SNX19: variants seen among roughly 807,000 people sequenced by gnomAD.
SNX19 encodes the protein sorting nexin 19.
A neutral mutation model predicts 85.2 loss-of-function variants in SNX19; 60 were observed. The ratio of observed to expected loss-of-function variants is 0.70; its 90% CI spans 0.57 to 0.87. SNX19 has a LOEUF of 0.87. Ranked by LOEUF, SNX19 falls within the 40% of genes least tolerant of loss-of-function variation. The probability of loss-of-function intolerance (pLI) is 0.00; values close to 1 mark genes in which losing one functional copy is unlikely to be tolerated. For synonymous variants in SNX19, 520 were observed against 470.0 expected, an observed-to-expected ratio of 1.11 and a Z score of -1.38; for missense variants, 1,201 against 1,217.8, an observed-to-expected ratio of 0.99 and a Z score of 0.21.
At chr11:130,887,475 GA>G (rs1944173664) in intron 8 of SNX19, among the ~76,000 whole-genome samples, 1 of 152,216 alleles carries the variant, frequency 6.6e-6, no homozygotes. Flanking sequence ...TAACGGCATA[GA>G]CAAGGGTTGG....
chr11:130,913,170 T>A (rs1946276655), intron 1 of SNX19, among the ~76,000 whole-genome samples: 1 of 152,146 alleles, frequency 6.6e-6, no homozygotes, highest in African/African-American at 2.4e-5. Context: ...CTGTTTTATG[T>A]CAGTATTGGA....
At chr11:130,913,980 C>T (rs73028902) in intron 1 of SNX19, among the ~76,000 whole-genome samples, 24,142 of 152,156 alleles carry the variant, frequency 0.16, 2,188 homozygotes, top group Middle Eastern at 0.25. Context: ...ATCTGTATAT[C>T]TGAAAGGCAG....
At chr11:130,900,409 T>C (rs1945181385) in intron 8 of SNX19, among the ~76,000 whole-genome samples, 1 of 152,216 alleles carries the variant, frequency 6.6e-6, no homozygotes, top group Non-Finnish European at 1.5e-5. Flanking sequence ...CCCTGTCTTT[T>C]CCATGTCTGC....
chr11:130,881,309 A>T (rs1943647903), intron 8 of SNX19, among the ~76,000 whole-genome samples: 2 of 152,330 alleles, frequency 1.3e-5, no homozygotes, highest in East Asian at 1.9e-4. Context: ...GGATAACAGA[A>T]TTTGAAGATG....
chr11:130,909,580 C>T (rs936536339), intron 4 of SNX19, among the ~76,000 whole-genome samples: 1 of 152,198 alleles, frequency 6.6e-6, no homozygotes, highest in East Asian at 1.9e-4. Context: ...ACTCTGTTCT[C>T]TAGCGGAGAA....
At chr11:130,879,518 A>G (rs1592273000) in intron 10 of SNX19, 106 bp downstream of exon 10, 12 of 953,410 alleles carry the variant, frequency 1.3e-5, no homozygotes, top group African/African-American at 3.3e-5. Context: ...AAAGACTACA[A>G]TCCTATTCTT....
chr11:130,873,248 A>T lies in SNX19; in HGVS notation c.*5174T>A, dbSNP rs1026952881. On this transcript the variant is annotated 3_prime_UTR_variant, in exon 11 of 11. Transcript: ENST00000265909. ...TGTAAATCAAGTTTTATTGGAACAC[A>T]GCCACACTTGTTTATGAATTGTCTA... Among the ~76,000 whole-genome samples, 1 of 152,216 alleles carries T rather than the reference A, an allele frequency of 6.6e-6. No individual in the cohort carries two copies. Among genetic ancestry groups the T allele is most frequent in the Non-Finnish European group, 1.5e-5 (1 of 68,034 alleles).
At chr11:130,893,131 T>G (rs538189033) in intron 8 of SNX19, 7 of 152,330 alleles carry the variant, frequency 4.6e-5, no homozygotes, top group African/African-American at 1.7e-4. Context: ...CTCCCTGTTC[T>G]GCTCTGCACA....
chr11:130,899,071 G>A (rs980232587), intron 8 of SNX19, among the ~76,000 whole-genome samples: 9 of 152,224 alleles, frequency 5.9e-5, no homozygotes, highest in African/African-American at 2.2e-4. Flanking sequence ...TTAAAATGAG[G>A]GTCATAGTAC....
chr11:130,878,708 A>G (rs563942899), intron 10 of SNX19, among the ~76,000 whole-genome samples, 154 bp from the exon 11 acceptor site: 101 of 152,300 alleles, frequency 6.6e-4, no homozygotes, highest in African/African-American at 2.1e-3. Flanking sequence ...TTTTGAACTA[A>G]TAAAGCCTCT....
At chr11:130,897,389 GAC>G (rs1015486354) in intron 8 of SNX19, among the ~76,000 whole-genome samples, 2 of 149,476 alleles carry the variant, frequency 1.3e-5, no homozygotes, top group East Asian at 3.9e-4. Context: ...CACACACACA[GAC>G]ACACACACAC....
Position 130,874,583 on chromosome 11 carries a change from A to C in SNX19, c.*3839T>G, listed in dbSNP as rs1176380428. 6.6e-6 allele frequency among the ~76,000 whole-genome samples: 1 copy of C among 152,226 alleles called. No homozygotes were observed. The highest frequency in any genetic ancestry group is 1.9e-4 in the East Asian group (1 of 5,194). On this transcript the variant is annotated 3_prime_UTR_variant, in exon 11 of 11. Coordinates refer to ENST00000265909, the MANE Select transcript of SNX19 (RefSeq NM_014758.3). ...TCCTGGGCTTACCTACTCACGTACT[A>C]ATGTTATGAAATAAAATAAATTTTC... is the stretch of plus-strand genomic sequence containing the variant.
rs368179270 is a variant in SNX19 at position 130,873,111 on chromosome 11, C to T, written c.*5311G>A. On this transcript the variant is annotated 3_prime_UTR_variant, in exon 11 of 11. Transcript: ENST00000265909. Reference sequence around the variant, plus strand: ...TTGAATCAAAATTTGCATTTTAACCCGATCCCACGTGAATCACACACACAT... The same window carrying T: ...TTGAATCAAAATTTGCATTTTAACCTGATCCCACGTGAATCACACACACAT... Among the ~76,000 whole-genome samples, 18 of 152,276 alleles carry T rather than the reference C, an allele frequency of 1.2e-4. No individual in the cohort carries two copies. Among genetic ancestry groups the T allele is most frequent in the Admixed American group, 3.9e-4 (6 of 15,294 alleles).
At position 130,881,746 on chromosome 11, in the gene SNX19, C is replaced by A. The variant is rs1565508039; in HGVS notation, c.2574-940G>T. Among the ~76,000 whole-genome samples, 3 of 152,348 alleles carry A rather than the reference C, an allele frequency of 2.0e-5. No homozygotes were observed. In the East Asian group the frequency reaches 5.8e-4, roughly 29 times the overall value. ...GGCAAGACCTGTTTCAACCCTACTT[C>A]CTCCATGAAATCCTTGACCATCACA... On this transcript the variant is annotated intron_variant, in intron 8 of 10. Coordinates refer to ENST00000265909, the MANE Select transcript of SNX19 (RefSeq NM_014758.3).
At position 130,915,675 on chromosome 11, in the gene SNX19, G is replaced by A. The variant is rs1247876770; in HGVS notation, c.265C>T (p.Pro89Ser). The A allele has an allele frequency of 1.2e-6, 2 of 1,614,250 alleles. No individual in the cohort carries two copies. The highest frequency in any genetic ancestry group is 8.5e-7 in the Non-Finnish European group (1 of 1,180,046). Residue 89 changes from proline (P) to serine (S), a missense_variant, in exon 1 of 11, where the codon CCT (proline) becomes TCT (serine). By Grantham distance (74) the Pro-to-Ser change is moderately conservative. Transcript: ENST00000265909. ...LERFIPLATCPPCPEAERQLE... is the reference protein window; with the variant it reads ...LERFIPLATCSPCPEAERQLE... ...TGCCTTTCTGCCTCAGGGCATGGAG[G>A]ACAGGTGGCCAACGGGATGAAGCGT...
chr11:130,908,273 A>G (rs539636137), intron 4 of SNX19, 190 bp from the exon 5 acceptor site: 55 of 483,430 alleles, frequency 1.1e-4, no homozygotes, highest in African/African-American at 9.6e-4. Flanking sequence ...CCTTTTTTCC[A>G]TGGCCATAAA....
Position 130,868,784 on chromosome 11 carries a change from T to G in SNX19, c.*9638A>C, listed in dbSNP as rs531618726. 6.6e-6 allele frequency: 1 copy of G among 152,360 alleles called. No individual in the cohort carries two copies. The highest frequency in any genetic ancestry group is 2.1e-4 in the South Asian group (1 of 4,824). The allele number at this position is 152,360 out of a possible 1,614,324, so 9.4% of individuals were successfully genotyped here. ...CTCACTTGGAACTAGGCATTCTTGC[T>G]GTCATCTGGTTTAGTCAAGGGGGTT... On this transcript the variant is annotated 3_prime_UTR_variant, in exon 11 of 11. Coordinates refer to ENST00000265909, the MANE Select transcript of SNX19 (RefSeq NM_014758.3).
At chr11:130,891,397 G>A (rs1414655018) in intron 8 of SNX19, among the ~76,000 whole-genome samples, 1 of 152,180 alleles carries the variant, frequency 6.6e-6, no homozygotes, top group African/African-American at 2.4e-5. Context: ...AGGCAAGGGA[G>A]TGGGTCAGCC....
At chr11:130,881,413 C>G (rs7942621) in intron 8 of SNX19, among the ~76,000 whole-genome samples, 67,913 of 152,024 alleles carry the variant, frequency 0.45, 15,398 homozygotes, top group South Asian at 0.57. Context: ...AAAGGGCCTC[C>G]GTCTCTGGGT....
Sources: gnomAD v4.1 joint callset for allele counts (sites outside exome capture counted in the v4.1 genomes callset) on GRCh38, gnomAD v4.1.1 for gene constraint, MANE v1.5 for transcripts, NCBI Gene and HGNC (gene_info 2026-07-23, HGNC 2026-07-21) for gene names.